The following SLC4A1 variants were observed in gnomAD, a reference collection of about 807,000 sequenced individuals.
SLC4A1 encodes the protein solute carrier family 4 member 1 (Diego blood group).
In SLC4A1, 29 loss-of-function variants were observed where a neutral mutation model predicts 93.1. The observed-to-expected ratio is 0.31, with a 90% CI of 0.23 to 0.42. The LOEUF is 0.42. SLC4A1 is among the 20% of genes least tolerant of loss of function. The pLI, the probability that SLC4A1 is intolerant of heterozygous loss-of-function variation, is 1.00. For synonymous variants in SLC4A1, 469 were observed against 497.2 expected, an observed-to-expected ratio of 0.94 and a Z score of 0.76; for missense variants, 965 against 1,190.1, an observed-to-expected ratio of 0.81 and a Z score of 2.78.
Position 44,251,478 on chromosome 17 carries a change from G to A in SLC4A1, c.2422C>T (p.Arg808Cys), listed in dbSNP as rs1167814744. 2 of 1,614,184 alleles carry A rather than the reference G, an allele frequency of 1.2e-6. No individual in the cohort carries two copies. Among genetic ancestry groups the A allele is most frequent in the Non-Finnish European group, 1.7e-6 (2 of 1,180,040 alleles). The change falls in exon 18 of 20, where the codon CGC becomes TGC. Residue 808 changes from arginine to cysteine, a missense_variant. Arg to Cys is a radical substitution (Grantham distance 180, BLOSUM62 -3). Transcript: ENST00000262418. ...TSLSGIQLFD[R>C]ILLLFKPPKY... ...GGTGGCTTGAACAGAAGCAAGATGC[G>A]GTCAAAGAGCTGGATGCCGCTGAGC...
intron 17 of SLC4A1, among the ~76,000 whole-genome samples, chr17:44,251,900 A>ATT (rs113097171): frequency 1.4e-4 from 19 of 135,184 alleles, no homozygotes; most frequent in Non-Finnish European, 2.1e-4. Context: ...CACCTGGATC[A>ATT]TTTTTTTTTT....
Position 44,258,797 on chromosome 17 carries a change from G to C in SLC4A1, c.877-174C>G, listed in dbSNP as rs910003893. On this transcript the variant is annotated intron_variant, in intron 9 of 19. Transcript: ENST00000262418. The surrounding 1 kb of genome is among the most constrained non-coding windows in gnomAD (Gnocchi z 6.1). ...CTCTCCCCACTAAGAAAGAGCTCTG[G>C]GGAGACAGACGGGGGCCCTGGGTGG... Among the ~76,000 whole-genome samples the C allele has an allele frequency of 6.6e-6, 1 of 152,132 alleles. No individual in the cohort carries two copies. The highest frequency in any genetic ancestry group is 1.5e-5 in the Non-Finnish European group (1 of 68,018).
Position 44,262,945 on chromosome 17 carries a change from G to A in SLC4A1, c.-68-11C>T, listed in dbSNP as rs900057370. On this transcript the variant is annotated splice_polypyrimidine_tract_variant and intron_variant, in intron 1 of 19. Transcript: ENST00000262418. ...CCGCACCGCGGGTCCCTGCAGCAGAGGGCACAGGCTGAGTGGGGCACAGGG... is the reference window on the plus strand; with the variant it reads ...CCGCACCGCGGGTCCCTGCAGCAGAAGGCACAGGCTGAGTGGGGCACAGGG... 23 of 1,610,712 alleles carry A rather than the reference G, an allele frequency of 1.4e-5. No individual in the cohort carries two copies. The highest frequency in any genetic ancestry group is 1.9e-4 in the Middle Eastern group (1 of 5,162).
chr17:44,254,717 G>T, intron 15 of SLC4A1, 55 bp from the exon 16 acceptor site: 2 of 1,564,306 alleles, frequency 1.3e-6, no homozygotes, highest in Non-Finnish European at 1.8e-6. Context: ...GGGGAAGGGT[G>T]GGAGCAGGAG....
rs1425207636 is a variant in SLC4A1, at chr17:44,258,713, C to T, written c.877-90G>A. ...AGCCAGGGCCTCCAGGAACCAGAAC[C>T]CCCTCAGGCAGCAGCTCCCATTGCC... On this transcript the variant is annotated intron_variant, in intron 9 of 19. Coordinates refer to ENST00000262418, the MANE Select transcript of SLC4A1 (RefSeq NM_000342.4). The surrounding 1 kb of genome is among the most constrained non-coding windows in gnomAD (Gnocchi z 6.1). The T allele has an allele frequency of 9.5e-6, 12 of 1,268,622 alleles. No individual in the cohort carries two copies. The highest frequency in any genetic ancestry group is 1.3e-5 in the Non-Finnish European group (12 of 893,356). 78.6% of individuals were successfully genotyped at this position (1,268,622 alleles called of 1,614,324 possible). A position where few individuals can be genotyped will look rare whatever the true frequency, so the allele number is the denominator to read the frequency against.
intron 1 of SLC4A1, among the ~76,000 whole-genome samples, chr17:44,266,309 G>C (rs377360962): frequency 7.9e-5 from 12 of 152,096 alleles, no homozygotes; most frequent in African/African-American, 2.9e-4. Context: ...TCCTTCTCTG[G>C]ACTTGCCCAT....
rs766741193 is a variant in SLC4A1, at chr17:44,261,614, G to A, written c.129C>T (p.Ala43=). The A allele has an allele frequency of 7.4e-6, 12 of 1,614,180 alleles. No individual in the cohort carries two copies. In the Admixed American group the frequency reaches 2.0e-4, roughly 27 times the overall value. ...EPAAHDTEAT[A]TDYHTTSHPG... ...GGTGTGATGTGGTGTGGTAGTCTGT[G>A]GCTGTTGCCTCGGTGTCGTGAGCTG... Residue 43 remains alanine, a synonymous_variant, in exon 4 of 20, where the codon GCC becomes GCT. Transcript: ENST00000262418.
intron 13 of SLC4A1, among the ~76,000 whole-genome samples, chr17:44,256,154 ACCAT>A (rs755992186): frequency 1.1e-4 from 16 of 151,830 alleles, no homozygotes; most frequent in Non-Finnish European, 1.8e-4. Flanking sequence ...CATCCATCCA[ACCAT>A]CCATCCATCC....
rs1226712124 is a variant in SLC4A1 at position 44,254,648 on chromosome 17, A to G, written c.1905T>C (p.Pro635=). The G allele has an allele frequency of 6.2e-7, 1 of 1,613,972 alleles. No homozygotes were observed. Among genetic ancestry groups the G allele is most frequent in the Non-Finnish European group, 8.5e-7 (1 of 1,179,980 alleles). ...QDTYTQKLSV[P]DGFKVSNSSA... ...AGGAGTTGGACACCTTGAAGCCATC[A>G]GGCACCGAGAGTTTCTGTGGGAGGG... The change falls in exon 16 of 20, where the codon CCT becomes CCC. Residue 635 remains proline, a synonymous_variant. Coordinates refer to ENST00000262418, the MANE Select transcript of SLC4A1 (RefSeq NM_000342.4).
chr17:44,254,655 G>A lies in SLC4A1; in HGVS notation c.1898C>T (p.Ser633Leu), dbSNP rs760240566. 1.9e-6 allele frequency: 3 copies of A among 1,613,978 alleles called. No homozygotes were observed. Among genetic ancestry groups the A allele is most frequent in the South Asian group, 2.2e-5 (2 of 91,046 alleles). The part of the protein sequence containing the change: ...FIQDTYTQKL[S>L]VPDGFKVSNS... ...GGACACCTTGAAGCCATCAGGCACC[G>A]AGAGTTTCTGTGGGAGGGGGTAGCA... Residue 633 changes from serine to leucine, a missense_variant, in exon 16 of 20, where the codon TCG becomes TTG. This residue lies in a region of SLC4A1 where 770 missense variants were observed against 1,006.6 expected (regional missense o/e 0.76). Transcript: ENST00000262418.
In SLC4A1 at chr17:44,253,053, G is replaced by A. The variant is rs1461865273; in HGVS notation, c.2311+65C>T. On this transcript the variant is annotated intron_variant, in intron 17 of 19. Transcript: ENST00000262418. ...AGGTGCTGGGTCCGAACAGAAAGGG[G>A]AAGGGGAAGGGGCCGGGGGTGAGGG... is the stretch of plus-strand genomic sequence containing the variant. The A allele has an allele frequency of 2.6e-6, 4 of 1,562,534 alleles. No homozygotes were observed. In the African/African-American group the frequency reaches 4.0e-5, roughly 16 times the overall value.
chr17:44,259,606 G>A (rs753280012), intron 7 of SLC4A1, 25 bp from the exon 8 acceptor site: 4 of 1,588,882 alleles, frequency 2.5e-6, no homozygotes, highest in African/African-American at 1.3e-5. Context: ...GTGGTGACGG[G>A]AGTCCTCGGG....
At chr17:44,250,584 C>T (rs747346938) in intron 19 of SLC4A1, 46 bp from the exon 20 acceptor site, 1 of 1,494,024 alleles carries the variant, frequency 6.7e-7, no homozygotes, top group South Asian at 1.1e-5. Context: ...GACCCTGGGG[C>T]CAGAAGAGCC....
At position 44,259,647 on chromosome 17, in the gene SLC4A1, C is replaced by T; in HGVS notation, c.610-66G>A. 3 of 1,516,644 alleles carry T rather than the reference C, an allele frequency of 2.0e-6. No individual in the cohort carries two copies. In the East Asian group the frequency reaches 6.8e-5, roughly 34 times the overall value. 93.9% of individuals were successfully genotyped at this position (1,516,644 alleles called of 1,614,324 possible). On this transcript the variant is annotated intron_variant, in intron 7 of 19. Coordinates refer to ENST00000262418, the MANE Select transcript of SLC4A1 (RefSeq NM_000342.4). ...CTGACCTGGGAGACCTGAGCATCCTCCCCTTCCCATTCTCGCTTCCCAACT... is the reference window on the plus strand; with the variant it reads ...CTGACCTGGGAGACCTGAGCATCCTTCCCTTCCCATTCTCGCTTCCCAACT...
At chr17:44,254,456 C>CAG in intron 16 of SLC4A1, 40 bp downstream of exon 16, 1 of 1,502,338 alleles carries the variant, frequency 6.7e-7, no homozygotes, top group Non-Finnish European at 9.2e-7. Flanking sequence ...AGGTCCCTGC[C>CAG]TCCCACCCTC....
intron 1 of SLC4A1, among the ~76,000 whole-genome samples, chr17:44,264,519 T>TATC (rs1383054699): frequency 5.9e-5 from 9 of 152,236 alleles, no homozygotes; most frequent in Non-Finnish European, 1.3e-4. Flanking sequence ...GTGTTCATAT[T>TATC]ATCTGACAAT....
In SLC4A1 at chr17:44,261,750, G is replaced by GC. The variant is rs13306783; in HGVS notation, c.107-115dup. On this transcript the variant is annotated intron_variant, in intron 3 of 19. Coordinates refer to ENST00000262418, the MANE Select transcript of SLC4A1 (RefSeq NM_000342.4). ...TGGGCAGATGCCCCTCCTTCCCAGT[G>GC]CCCTGGGCTGGGTCTCTGGTGCCGC... The GC allele has an allele frequency of 0.11, 181,343 of 1,577,384 alleles. 11,759 individuals carry two copies. The highest frequency in any genetic ancestry group is 0.25 in the African/African-American group (18,429 of 74,262).
rs533051253 is a variant in SLC4A1, at chr17:44,261,801, T to C, written c.107-165A>G. On this transcript the variant is annotated intron_variant, in intron 3 of 19. Transcript: ENST00000262418. ...ATCCCACACTGGCCACTCAGCAGAA[T>C]GAGGCTCCCCACACTTGTGTGCTGG... Among the ~76,000 whole-genome samples, 34 of 152,258 alleles carry C rather than the reference T, an allele frequency of 2.2e-4. 1 individual carries two copies. The highest frequency in any genetic ancestry group is 1.2e-4 in the Non-Finnish European group (8 of 68,018).
At chr17:44,263,577 TC>T (rs989141356) in intron 1 of SLC4A1, among the ~76,000 whole-genome samples, 3 of 151,766 alleles carry the variant, frequency 2.0e-5, no homozygotes, top group African/African-American at 7.3e-5. Flanking sequence ...CCGGACACCC[TC>T]CCCCCAATAC....
Sources: gnomAD v4.1 joint callset for allele counts (sites outside exome capture counted in the v4.1 genomes callset) on GRCh38, gnomAD v4.1.1 for gene constraint, gnomAD v4.1.1 regional missense constraint, Gnocchi (gnomAD v3.1) non-coding constraint, MANE v1.5 for transcripts, NCBI Gene and HGNC (gene_info 2026-07-23, HGNC 2026-07-21) for gene names.